FGF14: variants seen among roughly 807,000 people sequenced by gnomAD.
FGF14 encodes the protein fibroblast growth factor homologous factor 4.
Under a neutral mutation model 25.5 loss-of-function variants are expected in FGF14, and 5 were observed. The ratio of observed to expected loss-of-function variants is 0.20; its 90% CI spans 0.10 to 0.41. The LOEUF is 0.41. Among genes scored for constraint, FGF14 ranks in the 10% least tolerant of loss-of-function variants. FGF14 has a pLI of 1.00. For synonymous variants in FGF14, 138 were observed against 118.3 expected (o/e 1.17, Z -1.08); for missense variants, 222 against 320.1 (o/e 0.69, Z 2.34).
At chr13:102,206,150 C>T (rs1399606974) in intron 1 of FGF14, among the ~76,000 whole-genome samples, 2 of 151,218 alleles carry the variant, frequency 1.3e-5, no homozygotes, top group Non-Finnish European at 2.9e-5. Context: ...CACACACACA[C>T]GGGCTACATG....
chr13:102,030,980 A>G (rs1385005671), intron 1 of FGF14, among the ~76,000 whole-genome samples: 1 of 152,148 alleles, frequency 6.6e-6, no homozygotes, highest in Non-Finnish European at 1.5e-5. Flanking sequence ...CCCATGAAAC[A>G]TGACTTAAGC....
intron 1 of FGF14, among the ~76,000 whole-genome samples, chr13:102,155,014 C>A (rs1309049240): frequency 3.3e-5 from 5 of 152,078 alleles, no homozygotes; most frequent in South Asian, 2.1e-4. Flanking sequence ...TTCATAAAGC[C>A]AGTCCTTAGA....
chr13:101,757,096 A>G (rs1169891208), intron 3 of FGF14, among the ~76,000 whole-genome samples: 2 of 152,210 alleles, frequency 1.3e-5, no homozygotes, highest in African/African-American at 4.8e-5. Flanking sequence ...TGAACTATAA[A>G]AGATAAACCA....
At chr13:102,074,039 G>C (rs905410770) in intron 1 of FGF14, among the ~76,000 whole-genome samples, 2 of 152,180 alleles carry the variant, frequency 1.3e-5, no homozygotes, top group African/African-American at 4.8e-5. Flanking sequence ...ACAGGATCTT[G>C]CTGTGTCACC....
At chr13:101,957,916 A>G (rs1405041829) in intron 1 of FGF14, among the ~76,000 whole-genome samples, 2 of 152,326 alleles carry the variant, frequency 1.3e-5, no homozygotes, top group South Asian at 2.1e-4. Flanking sequence ...ATTGGTGAAG[A>G]ACATGGAATG....
At chr13:101,964,770 C>A (rs1208549574) in intron 1 of FGF14, among the ~76,000 whole-genome samples, 1 of 150,666 alleles carries the variant, frequency 6.6e-6, no homozygotes. Context: ...TTTTTTCTTT[C>A]TTTTCAATGG....
At chr13:101,933,372 G>T (rs992853423) in intron 1 of FGF14, among the ~76,000 whole-genome samples, 2 of 152,140 alleles carry the variant, frequency 1.3e-5, no homozygotes, top group Non-Finnish European at 2.9e-5. Flanking sequence ...TCCGGTACAA[G>T]ATTTGCTAAC....
At chr13:102,066,083 T>C (rs999874213) in intron 1 of FGF14, among the ~76,000 whole-genome samples, 3 of 152,116 alleles carry the variant, frequency 2.0e-5, no homozygotes, top group Non-Finnish European at 4.4e-5. Flanking sequence ...CACAAAATAA[T>C]ACACTTAAGT....
intron 1 of FGF14, among the ~76,000 whole-genome samples, chr13:102,320,568 T>A (rs963808543): frequency 2.6e-5 from 4 of 152,160 alleles, no homozygotes; most frequent in Admixed American, 6.5e-5. Context: ...GGAGACTTAT[T>A]TTGTCATACA....
chr13:101,722,213 T>A lies in FGF14; in HGVS notation c.*618A>T, dbSNP rs2035043017. On this transcript the variant is annotated 3_prime_UTR_variant, in exon 5 of 5. Coordinates refer to ENST00000376143, the MANE Select transcript of FGF14 (RefSeq NM_004115.4). ...CCAGAGACAACAATCTTTCTTAATC[T>A]TTCTTTATAGATGCAATTTGTAATA... is the stretch of plus-strand genomic sequence containing the variant. 1 of 169,684 alleles carries A rather than the reference T, an allele frequency of 5.9e-6. No homozygotes were observed. The highest frequency in any genetic ancestry group is 1.3e-5 in the Non-Finnish European group (1 of 78,238). The allele number at this position is 169,684 out of a possible 1,614,324, so 10.5% of individuals were successfully genotyped here.
intron 1 of FGF14, among the ~76,000 whole-genome samples, chr13:102,209,477 C>A (rs1024650021): frequency 3.9e-5 from 6 of 152,160 alleles, no homozygotes; most frequent in Non-Finnish European, 8.8e-5. Flanking sequence ...AGATTTGTTC[C>A]AGTTGAAGCC....
rs61525125 is a variant in FGF14 at position 101,951,065 on chromosome 13, C to T, written c.209-75769G>A. On this transcript the variant is annotated intron_variant, in intron 1 of 4. Transcript: ENST00000376131. Reference sequence around the variant, plus strand: ...TGAGAATTCTAACTAAAGAAAATAGCTAGAGCTACAGCATGGATTTTTGGT... The same window carrying T: ...TGAGAATTCTAACTAAAGAAAATAGTTAGAGCTACAGCATGGATTTTTGGT... 9.0e-3 allele frequency among the ~76,000 whole-genome samples: 1,373 copies of T among 152,028 alleles called. 21 individuals carry two copies. The highest frequency in any genetic ancestry group is 0.032 in the African/African-American group (1,312 of 41,418).
At chr13:102,077,412 C>A (rs929310798) in intron 1 of FGF14, among the ~76,000 whole-genome samples, 1 of 152,038 alleles carries the variant, frequency 6.6e-6, no homozygotes, top group Non-Finnish European at 1.5e-5. Flanking sequence ...GGGTTAATAT[C>A]TAAGATACAC....
intron 1 of FGF14, among the ~76,000 whole-genome samples, chr13:102,390,503 G>C (rs2058407151): frequency 6.6e-6 from 1 of 152,196 alleles, no homozygotes; most frequent in South Asian, 2.1e-4. Flanking sequence ...AGCGGTAGCT[G>C]CAATTTAGGG....
chr13:101,981,082 AACACACACACACAC>A (rs58666555), intron 1 of FGF14, among the ~76,000 whole-genome samples: 184 of 123,780 alleles, frequency 1.5e-3, no homozygotes, highest in Middle Eastern at 4.1e-3. Flanking sequence ...TCTCTACTAA[AACACACACACACAC>A]ACACACACAC....
intron 1 of FGF14, among the ~76,000 whole-genome samples, chr13:102,276,592 G>A (rs2053563512): frequency 6.6e-6 from 1 of 151,910 alleles, no homozygotes; most frequent in African/African-American, 2.4e-5. Context: ...AAGTTTGAAA[G>A]CCTTTGGTGC....
intron 3 of FGF14, among the ~76,000 whole-genome samples, chr13:101,770,598 AT>A (rs1337324866): frequency 2.0e-5 from 3 of 152,132 alleles, no homozygotes; most frequent in Non-Finnish European, 4.4e-5. Flanking sequence ...CTTGTATGAC[AT>A]TTCTGTAACT....
At chr13:102,343,089 G>A (rs1157287886) in intron 1 of FGF14, among the ~76,000 whole-genome samples, 1 of 152,102 alleles carries the variant, frequency 6.6e-6, no homozygotes, top group African/African-American at 2.4e-5. Context: ...TGACTCTGAG[G>A]TATCAGTGAA....
At chr13:101,804,859 G>C (rs1189357223) in intron 3 of FGF14, among the ~76,000 whole-genome samples, 1 of 152,010 alleles carries the variant, frequency 6.6e-6, no homozygotes, top group East Asian at 1.9e-4. Flanking sequence ...CCTCATTAAT[G>C]GTGCCTGGAT....
Sources: gnomAD v4.1 joint callset for allele counts (sites outside exome capture counted in the v4.1 genomes callset) on GRCh38, gnomAD v4.1.1 for gene constraint, MANE v1.5 for transcripts, NCBI Gene and HGNC (gene_info 2026-07-23, HGNC 2026-07-21) for gene names.